Variants in NCKAP5 observed in about 807,000 individuals in gnomAD.
NCKAP5 encodes nck-associated protein 5.
NCKAP5 carries 92 observed loss-of-function variants against 167.0 expected under a neutral mutation model. That is an observed-to-expected ratio of 0.55 (90% CI 0.47 to 0.66). The LOEUF (loss-of-function observed/expected upper bound fraction) is 0.66, where lower values mean the gene tolerates loss of function less well. Among genes scored for constraint, NCKAP5 ranks in the 30% least tolerant of loss-of-function variants. The pLI is 0.00. For missense variants in NCKAP5, 2,378 were observed against 2,315.0 expected (o/e 1.03, Z -0.56); for synonymous variants, 891 against 877.4 (o/e 1.02, Z -0.27).
intron 7 of NCKAP5, among the ~76,000 whole-genome samples, chr2:132,987,393 G>A (rs1440290384): frequency 3.9e-5 from 6 of 152,142 alleles, no homozygotes; most frequent in Admixed American, 3.9e-4. Flanking sequence ...TACCATAAAA[G>A]GAACTGGATA....
intron 6 of NCKAP5, among the ~76,000 whole-genome samples, chr2:133,101,200 A>G (rs2081502710): frequency 6.9e-6 from 1 of 144,446 alleles, no homozygotes; most frequent in African/African-American, 2.6e-5. Flanking sequence ...TTTGTCAAAG[A>G]TCAGATAGTT....
In NCKAP5 at chr2:132,784,482, T is replaced by A. The variant is rs1683369440; in HGVS notation, c.2329A>T (p.Thr777Ser). 1.9e-6 allele frequency: 3 copies of A among 1,584,476 alleles called. No homozygotes were observed. Among genetic ancestry groups the A allele is most frequent in the Non-Finnish European group, 2.6e-6 (3 of 1,166,590 alleles). ...TTACTCTGGCATGATATATTGTGTGTTGGTTTGACCAGCTTTTGCTGCTGA... is the reference window on the plus strand; with the variant it reads ...TTACTCTGGCATGATATATTGTGTGATGGTTTGACCAGCTTTTGCTGCTGA... ...NPQQQKLVKP[T>S]HNISCQSNSR... Residue 777 changes from threonine to serine, a missense_variant, in exon 14 of 20, where the codon ACA becomes TCA. Around this residue, in one of 3 missense-constraint regions of NCKAP5, gnomAD observed 1,049 missense variants for 1,023.4 expected, o/e 1.02. Coordinates refer to ENST00000409261, the MANE Select transcript of NCKAP5 (RefSeq NM_207363.3).
chr2:133,132,481 G>GCGCACA (rs1553546861), intron 5 of NCKAP5, among the ~76,000 whole-genome samples: 140 of 130,054 alleles, frequency 1.1e-3, no homozygotes, highest in African/African-American at 3.7e-3. Flanking sequence ...GAAAAAAAAA[G>GCGCACA]CACACACACA....
At chr2:133,616,245 GA>G in the NCKAP5 span, among the ~76,000 whole-genome samples, 1 of 145,334 alleles carries the variant, frequency 6.9e-6, no homozygotes, top group Non-Finnish European at 1.5e-5. Flanking sequence ...AAAAGAACTA[GA>G]AAAGCAAGAG....
intron 5 of NCKAP5, among the ~76,000 whole-genome samples, chr2:133,145,830 T>G (rs1350540264): frequency 6.6e-6 from 1 of 152,086 alleles, no homozygotes; most frequent in East Asian, 1.9e-4. Flanking sequence ...ATTGCAGCTT[T>G]CCTGAATGAA....
chr2:133,499,101 A>T (rs1682245800), intron 3 of NCKAP5, among the ~76,000 whole-genome samples: 2 of 152,194 alleles, frequency 1.3e-5, no homozygotes, highest in South Asian at 4.1e-4. Flanking sequence ...GTAACATTTC[A>T]ATTCTGGACT....
intron 5 of NCKAP5, among the ~76,000 whole-genome samples, chr2:133,203,646 C>T (rs1036367596): frequency 4.6e-5 from 7 of 152,032 alleles, no homozygotes; most frequent in Admixed American, 2.6e-4. Context: ...TCTCTGCCTC[C>T]GGTATCTGAC....
At chr2:133,448,221 G>C (rs1380078725) in intron 3 of NCKAP5, among the ~76,000 whole-genome samples, 1 of 150,674 alleles carries the variant, frequency 6.6e-6, no homozygotes, top group African/African-American at 2.5e-5. Flanking sequence ...TCAACCTTCT[G>C]GCCAATAATA....
chr2:132,698,180 T>C (rs13431116), intron 19 of NCKAP5, among the ~76,000 whole-genome samples: 12,872 of 152,242 alleles, frequency 0.085, 1,695 homozygotes, highest in African/African-American at 0.28. Flanking sequence ...TGTCAACAAA[T>C]CTGATGGTTT....
At chr2:133,406,661 T>C (rs1898008) in intron 3 of NCKAP5, among the ~76,000 whole-genome samples, 25,978 of 152,078 alleles carry the variant, frequency 0.17, 2,329 homozygotes, top group Non-Finnish European at 0.2. Flanking sequence ...AGTTTAATAA[T>C]TTATCAGATA....
intron 7 of NCKAP5, among the ~76,000 whole-genome samples, chr2:132,993,902 A>G (rs1294540273): frequency 6.6e-6 from 1 of 152,222 alleles, no homozygotes; most frequent in Non-Finnish European, 1.5e-5. Flanking sequence ...AGTCTCTCTC[A>G]TTCACCACAA....
chr2:133,089,659 T>C (rs1015522548), intron 6 of NCKAP5, among the ~76,000 whole-genome samples: 6 of 152,240 alleles, frequency 3.9e-5, no homozygotes, highest in African/African-American at 1.4e-4. Context: ...ATCTTGTGTC[T>C]ATACAAAAAA....
intron 2 of NCKAP5, among the ~76,000 whole-genome samples, chr2:133,537,076 T>G (rs902835569): frequency 2.6e-5 from 4 of 152,084 alleles, no homozygotes; most frequent in African/African-American, 9.6e-5. Context: ...CACAGAACTG[T>G]TTTGGCTCCC....
At chr2:133,305,300 A>T (rs1227028112) in intron 3 of NCKAP5, among the ~76,000 whole-genome samples, 1 of 152,170 alleles carries the variant, frequency 6.6e-6, no homozygotes, top group Admixed American at 6.5e-5. Flanking sequence ...CCTGGTTTTG[A>T]TACTTACTAG....
At chr2:132,856,944 C>T (rs142336626) in intron 11 of NCKAP5, among the ~76,000 whole-genome samples, 8 of 152,308 alleles carry the variant, frequency 5.3e-5, no homozygotes, top group East Asian at 3.9e-4. Context: ...ATACCTGCTA[C>T]AGGACTTAGC....
intron 10 of NCKAP5, 26 bp downstream of exon 10, chr2:132,868,910 A>C (rs1260852444): frequency 6.5e-7 from 1 of 1,531,100 alleles, no homozygotes; most frequent in East Asian, 2.4e-5. Flanking sequence ...GTGCCTTGAA[A>C]AGAACAAAGT....
At chr2:133,495,276 T>C (rs993654844) in intron 3 of NCKAP5, among the ~76,000 whole-genome samples, 1 of 152,154 alleles carries the variant, frequency 6.6e-6, no homozygotes, top group Non-Finnish European at 1.5e-5. Context: ...TATGTCACAG[T>C]CCATTTCTCA....
chr2:132,675,502 T>C (rs547225816), intron 19 of NCKAP5, among the ~76,000 whole-genome samples: 16 of 152,282 alleles, frequency 1.1e-4, no homozygotes, highest in African/African-American at 3.8e-4. Flanking sequence ...AGGAGCTTCC[T>C]GGAAATGCAA....
Position 133,240,748 on chromosome 2 carries a change from TC to T in NCKAP5, c.144-26970del, listed in dbSNP as rs2087659882. On this transcript the variant is annotated intron_variant, in intron 4 of 19. Transcript: ENST00000409261. ...CAGACCCAAGCTGGCATATGGCAGTTCCACCAACCACCTCCATATAGAACAC... is the reference window on the plus strand; with the variant it reads ...CAGACCCAAGCTGGCATATGGCAGTTCACCAACCACCTCCATATAGAACAC... Among the ~76,000 whole-genome samples the T allele has an allele frequency of 2.6e-5, 4 of 152,308 alleles. No individual in the cohort carries two copies. In the South Asian group the frequency reaches 8.3e-4, roughly 32 times the overall value.
Sources: gnomAD v4.1 joint callset for allele counts (sites outside exome capture counted in the v4.1 genomes callset) on GRCh38, gnomAD v4.1.1 for gene constraint, gnomAD v4.1.1 regional missense constraint, MANE v1.5 for transcripts, NCBI Gene and HGNC (gene_info 2026-07-23, HGNC 2026-07-21) for gene names.